ACYP2: variants seen among roughly 807,000 people sequenced by gnomAD.
ACYP2 encodes the protein acylphosphatase 2, also known as acylphosphatase-2.
ACYP2 carries 12 observed loss-of-function variants against 11.2 expected under a neutral mutation model. That is an observed-to-expected ratio of 1.08 (90% CI 0.69 to 1.74). The LOEUF (loss-of-function observed/expected upper bound fraction) is 1.74, where lower values mean the gene tolerates loss of function less well. Ranked by LOEUF, ACYP2 falls within the 40% of genes most tolerant of loss-of-function variation. The pLI, the probability that ACYP2 is intolerant of heterozygous loss-of-function variation, is 0.00. For synonymous variants in ACYP2, 43 were observed against 32.2 expected, an observed-to-expected ratio of 1.33 and a Z score of -1.13; for missense variants, 134 against 101.9, an observed-to-expected ratio of 1.31 and a Z score of -1.35.
chr2:54,225,789 T>G (rs1353973542), intron 6 of ACYP2, among the ~76,000 whole-genome samples: 1 of 129,658 alleles, frequency 7.7e-6, no homozygotes, highest in African/African-American at 2.6e-5. Context: ...ACCTTAAGTA[T>G]TTTTTTTTTA....
At chr2:54,298,512 C>T (rs1328512253) in intron 6 of ACYP2, among the ~76,000 whole-genome samples, 1 of 152,128 alleles carries the variant, frequency 6.6e-6, no homozygotes. Context: ...GCAATAAAAC[C>T]TTGGAAACTA....
At chr2:54,201,106 CTCTTT>C (rs1684734499) in intron 6 of ACYP2, among the ~76,000 whole-genome samples, 5 of 144,362 alleles carry the variant, frequency 3.5e-5, no homozygotes, top group Non-Finnish European at 6.0e-5. Flanking sequence ...GGTTCTCTCT[CTCTTT>C]TTTTTTTTTT....
intron 6 of ACYP2, among the ~76,000 whole-genome samples, chr2:54,202,405 CTTTT>C (rs61634500): frequency 7.7e-5 from 9 of 116,360 alleles, no homozygotes; most frequent in African/African-American, 2.8e-4. Flanking sequence ...CTGTGCCTGG[CTTTT>C]TTTTTTTTTT....
intron 6 of ACYP2, among the ~76,000 whole-genome samples, chr2:54,208,086 T>C (rs1198696164): frequency 6.6e-6 from 1 of 152,170 alleles, no homozygotes; most frequent in Non-Finnish European, 1.5e-5. Flanking sequence ...TCAAGCTTGC[T>C]GTTCATCTGA....
chr2:53,998,819 GA>G (rs1672682489), intron 2 of ACYP2, among the ~76,000 whole-genome samples: 1 of 151,856 alleles, frequency 6.6e-6, no homozygotes, highest in Non-Finnish European at 1.5e-5. Context: ...AAAAAGAAAA[GA>G]AAAAAATTTC....
chr2:54,231,123 C>T (rs978747515), intron 6 of ACYP2, among the ~76,000 whole-genome samples: 4 of 152,076 alleles, frequency 2.6e-5, no homozygotes, highest in African/African-American at 7.2e-5. Flanking sequence ...GGAGCCACCG[C>T]GCCCGGCCAA....
At chr2:54,090,014 C>T (rs1340808951) in intron 4 of ACYP2, among the ~76,000 whole-genome samples, 1 of 151,576 alleles carries the variant, frequency 6.6e-6, no homozygotes, top group South Asian at 2.1e-4. Context: ...GGCATGGTGG[C>T]GGGCACCTGT....
chr2:53,994,284 C>T (rs369634348), intron 2 of ACYP2, among the ~76,000 whole-genome samples: 1 of 136,332 alleles, frequency 7.3e-6, no homozygotes, highest in Non-Finnish European at 1.5e-5. Context: ...GAGCAGAGAT[C>T]GCGCCCCTGC....
intron 4 of ACYP2, among the ~76,000 whole-genome samples, chr2:54,102,005 A>C (rs1319082663): frequency 2.6e-5 from 4 of 152,186 alleles, no homozygotes; most frequent in Admixed American, 2.6e-4. Context: ...GACTATGTGT[A>C]ATGTCATGTA....
chr2:54,015,659 A>T (rs1205026289), intron 2 of ACYP2, among the ~76,000 whole-genome samples: 5 of 151,216 alleles, frequency 3.3e-5, no homozygotes, highest in South Asian at 4.2e-4. Flanking sequence ...ACACACACAC[A>T]CACACACACA....
At chr2:54,107,340 TTTTTCAACAGCTCTAAGC>T (rs1679220179) in intron 4 of ACYP2, among the ~76,000 whole-genome samples, 2 of 152,250 alleles carry the variant, frequency 1.3e-5, no homozygotes, top group African/African-American at 4.8e-5. Flanking sequence ...CAGCAATTTA[TTTTTCAACAGCTCTAAGC>T]TTGGTTTTGT....
intron 4 of ACYP2, among the ~76,000 whole-genome samples, chr2:54,093,942 AAAACAAACAAAC>A (rs145012157): frequency 2.1e-4 from 31 of 151,094 alleles, no homozygotes; most frequent in Middle Eastern, 3.5e-3. Context: ...TCTGTCTCAA[AAAACAAACAAAC>A]AAACAAACAA....
At chr2:54,271,313 T>C (rs960448604) in intron 6 of ACYP2, among the ~76,000 whole-genome samples, 1 of 152,232 alleles carries the variant, frequency 6.6e-6, no homozygotes, top group South Asian at 2.1e-4. Context: ...TCAGTACTCA[T>C]GTGGCCAGAG....
chr2:54,254,871 C>G (rs757861822), intron 6 of ACYP2: 41 of 1,569,410 alleles, frequency 2.6e-5, no homozygotes, highest in Non-Finnish European at 1.7e-6. Context: ...TCAGGTCCAG[C>G]TGGTGGTGGC....
intron 6 of ACYP2, among the ~76,000 whole-genome samples, chr2:54,287,825 G>A (rs1244236687): frequency 6.6e-6 from 1 of 151,952 alleles, no homozygotes; most frequent in Non-Finnish European, 1.5e-5. Context: ...TTTCCCTGTT[G>A]AGCCCTGACC....
chr2:53,976,484 G>A (rs199719072), intron 2 of ACYP2, among the ~76,000 whole-genome samples: 3 of 152,208 alleles, frequency 2.0e-5, no homozygotes, highest in Admixed American at 6.5e-5. Flanking sequence ...TGGGATTACA[G>A]GGGTTAGCCA....
chr2:53,992,491 A>C (rs1672349441), intron 2 of ACYP2, among the ~76,000 whole-genome samples: 1 of 152,218 alleles, frequency 6.6e-6, no homozygotes, highest in African/African-American at 2.4e-5. Context: ...AATGGCTTGT[A>C]TCACGGTAGA....
chr2:53,997,261 A>G (rs1310165872), intron 2 of ACYP2, among the ~76,000 whole-genome samples: 1 of 152,220 alleles, frequency 6.6e-6, no homozygotes, highest in Non-Finnish European at 1.5e-5. Flanking sequence ...TCAGAAGTAT[A>G]TCAATATGTC....
chr2:54,098,618 C>G (rs1678721295), intron 4 of ACYP2, among the ~76,000 whole-genome samples: 1 of 152,074 alleles, frequency 6.6e-6, no homozygotes, highest in South Asian at 2.1e-4. Flanking sequence ...ATTTAGATAC[C>G]AAGATGGATG....
Sources: gnomAD v4.1 joint callset for allele counts (sites outside exome capture counted in the v4.1 genomes callset) on GRCh38, gnomAD v4.1.1 for gene constraint, MANE v1.5 for transcripts, NCBI Gene and HGNC (gene_info 2026-07-23, HGNC 2026-07-21) for gene names.